Variants in BTBD10 observed in about 807,000 individuals in gnomAD.
BTBD10 encodes BTB domain containing 10.
BTBD10 carries 21 observed loss-of-function variants against 53.2 expected under a neutral mutation model. The observed-to-expected ratio is 0.39, with a 90% CI of 0.28 to 0.57. BTBD10 has a LOEUF of 0.57. Among genes scored for constraint, BTBD10 ranks in the 20% least tolerant of loss-of-function variants. The pLI is 0.53. For missense variants in BTBD10, 360 were observed against 594.7 expected, an observed-to-expected ratio of 0.61 and a Z score of 4.10; for synonymous variants, 149 against 192.7, an observed-to-expected ratio of 0.77 and a Z score of 1.88.
chr11:13,424,373 T>C (rs913320270), intron 2 of BTBD10, among the ~76,000 whole-genome samples: 2 of 152,226 alleles, frequency 1.3e-5, no homozygotes, highest in African/African-American at 4.8e-5. Context: ...CTAAACCACT[T>C]AGATTTTAAA....
At chr11:13,409,321 CA>C (rs1949892771) in intron 6 of BTBD10, among the ~76,000 whole-genome samples, 1 of 152,204 alleles carries the variant, frequency 6.6e-6, no homozygotes, top group South Asian at 2.1e-4. Flanking sequence ...TTATCACTAA[CA>C]TAGCATATAT....
intron 3 of BTBD10, among the ~76,000 whole-genome samples, chr11:13,420,448 T>C (rs1950222205): frequency 1.3e-5 from 2 of 152,150 alleles, no homozygotes; most frequent in African/African-American, 4.8e-5. Context: ...AGTCTGTAAT[T>C]TTCATAGGTA....
intron 6 of BTBD10, among the ~76,000 whole-genome samples, chr11:13,411,266 CAG>C (rs1198669631): frequency 6.6e-6 from 1 of 152,202 alleles, no homozygotes; most frequent in East Asian, 1.9e-4. Context: ...GTGCCTCAAC[CAG>C]AGAGAGAGAA....
Position 13,388,881 on chromosome 11 carries a change from G to C in BTBD10, c.1378C>G (p.Pro460Ala). 1 of 1,614,116 alleles carries C rather than the reference G, an allele frequency of 6.2e-7. No individual in the cohort carries two copies. Among genetic ancestry groups the C allele is most frequent in the South Asian group, 1.1e-5 (1 of 91,076 alleles). The stretch of plus-strand genomic sequence containing the variant: ...GGATCGAGGTCACTGTTGCCAGAAG[G>C]GGGATGGATAGGGAGAATATCCAGC... ...DELDILPIHPPSGNSDLDPDA... is the reference protein window; with the variant it reads ...DELDILPIHPASGNSDLDPDA... Residue 460 changes from proline to alanine, a missense_variant, in exon 9 of 9, where the codon CCT (proline) becomes GCT (alanine). By Grantham distance (27) the Pro-to-Ala change is conservative (BLOSUM62 -1). This residue lies in a region of BTBD10 where 25 missense variants were observed against 24.9 expected (regional missense o/e 1.00). Transcript: ENST00000278174.
At chr11:13,437,800 G>A (rs998505865) in intron 2 of BTBD10, among the ~76,000 whole-genome samples, 3 of 152,002 alleles carry the variant, frequency 2.0e-5, no homozygotes, top group Non-Finnish European at 4.4e-5. Flanking sequence ...TCTCCTACCT[G>A]CTTCAAAATC....
intron 2 of BTBD10, among the ~76,000 whole-genome samples, chr11:13,433,157 TC>T (rs1403057964): frequency 6.6e-6 from 1 of 152,222 alleles, no homozygotes; most frequent in Non-Finnish European, 1.5e-5. Flanking sequence ...AATCTCTCTC[TC>T]TGACCTTCAC....
At position 13,419,449 on chromosome 11, in the gene BTBD10, A is replaced by G. The variant is rs1726674726; in HGVS notation, c.584+11T>C. 4 of 1,602,392 alleles carry G rather than the reference A, an allele frequency of 2.5e-6. No individual in the cohort carries two copies. Among genetic ancestry groups the G allele is most frequent in the African/African-American group, 2.7e-5 (2 of 74,220 alleles). ...ATAATTAGTAATGCAAATAACTGCA[A>G]TAATACAAACCTGCCCAACATTGTA... On this transcript the variant is annotated intron_variant, in intron 4 of 8. Transcript: ENST00000278174.
intron 2 of BTBD10, among the ~76,000 whole-genome samples, chr11:13,441,673 A>T (rs1227825362): frequency 6.6e-6 from 1 of 152,124 alleles, no homozygotes; most frequent in African/African-American, 2.4e-5. Flanking sequence ...TCAAAAGTAC[A>T]AGACGAGAAA....
chr11:13,433,968 A>G (rs1950500997), intron 2 of BTBD10, among the ~76,000 whole-genome samples: 1 of 152,194 alleles, frequency 6.6e-6, no homozygotes, highest in South Asian at 2.1e-4. Flanking sequence ...CAAGGAATAA[A>G]TGCTTAATTA....
chr11:13,409,254 C>A (rs1488841577), intron 6 of BTBD10, among the ~76,000 whole-genome samples: 1 of 152,136 alleles, frequency 6.6e-6, no homozygotes, highest in Non-Finnish European at 1.5e-5. Context: ...TTTTTATTTC[C>A]AATGAAAGTT....
At chr11:13,440,395 A>T (rs1950623982) in intron 2 of BTBD10, 1 of 757,946 alleles carries the variant, frequency 1.3e-6, no homozygotes, top group African/African-American at 1.9e-5. Flanking sequence ...TATGTTGCCA[A>T]ATGCCATCTG....
chr11:13,395,940 A>G (rs1474693652), intron 8 of BTBD10, among the ~76,000 whole-genome samples: 1 of 149,620 alleles, frequency 6.7e-6, no homozygotes, highest in African/African-American at 2.4e-5. Flanking sequence ...TTGTTACTGC[A>G]GCCTTGTAGT....
intron 6 of BTBD10, among the ~76,000 whole-genome samples, chr11:13,409,242 C>A (rs923136779): frequency 6.6e-6 from 1 of 152,192 alleles, no homozygotes. Flanking sequence ...TGGAATTTAA[C>A]ATTTTTATTT....
chr11:13,400,108 T>C (rs1041298040), intron 8 of BTBD10, among the ~76,000 whole-genome samples: 5 of 152,362 alleles, frequency 3.3e-5, no homozygotes, highest in Admixed American at 1.3e-4. Flanking sequence ...GCAGAGGTTA[T>C]TGCTGTCTTT....
chr11:13,426,670 T>C (rs1591138360), intron 2 of BTBD10, among the ~76,000 whole-genome samples: 1 of 151,968 alleles, frequency 6.6e-6, no homozygotes, highest in South Asian at 2.1e-4. Flanking sequence ...AAGTTAAAGA[T>C]GTATACTGTT....
At chr11:13,410,445 A>C (rs1280705749) in intron 6 of BTBD10, among the ~76,000 whole-genome samples, 1 of 152,164 alleles carries the variant, frequency 6.6e-6, no homozygotes, top group East Asian at 1.9e-4. Context: ...TATGTTGCCT[A>C]GGATGATTTC....
In BTBD10 at chr11:13,405,651, G is replaced by A; in HGVS notation, c.1006+8C>T. 1 of 1,613,002 alleles carries A rather than the reference G, an allele frequency of 6.2e-7. No homozygotes were observed. Among genetic ancestry groups the A allele is most frequent in the Non-Finnish European group, 8.5e-7 (1 of 1,179,186 alleles). ...TTCAGGGGAGAGAAAACATGCCAGA[G>A]TACGTACTTTGTGAATATTCTTCTC... is the stretch of plus-strand genomic sequence containing the variant. On this transcript the variant is annotated splice_region_variant and intron_variant, in intron 7 of 8. Coordinates refer to ENST00000278174, the MANE Select transcript of BTBD10 (RefSeq NM_032320.7).
intron 1 of BTBD10, among the ~76,000 whole-genome samples, chr11:13,456,898 C>A (rs985263891): frequency 6.6e-6 from 1 of 152,150 alleles, no homozygotes. Context: ...CAGTGACTCA[C>A]GCCTATAATC....
chr11:13,415,107 C>CTTTT (rs756343405), intron 5 of BTBD10, among the ~76,000 whole-genome samples: 21 of 127,060 alleles, frequency 1.7e-4, no homozygotes, highest in Non-Finnish European at 2.4e-4. Flanking sequence ...TCAATCAAAC[C>CTTTT]TTTTTTTTTT....
Sources: gnomAD v4.1 joint callset for allele counts (sites outside exome capture counted in the v4.1 genomes callset) on GRCh38, gnomAD v4.1.1 for gene constraint, gnomAD v4.1.1 regional missense constraint, MANE v1.5 for transcripts, NCBI Gene and HGNC (gene_info 2026-07-23, HGNC 2026-07-21) for gene names.